DNAH11: variants seen among roughly 807,000 people sequenced by gnomAD.
The protein encoded by DNAH11 is dynein axonemal heavy chain 11.
A neutral mutation model predicts 526.0 loss-of-function variants in DNAH11; 442 were observed. The ratio of observed to expected loss-of-function variants is 0.84; its 90% CI spans 0.78 to 0.91. The LOEUF (loss-of-function observed/expected upper bound fraction) is 0.91. Among genes scored for constraint, DNAH11 ranks in the 40% least tolerant of loss-of-function variants. The pLI, the probability that DNAH11 is intolerant of heterozygous loss-of-function variation, is 0.00. For synonymous variants in DNAH11, 2,461 were observed against 1,935.9 expected, an observed-to-expected ratio of 1.27 and a Z score of -7.12; for missense variants, 6,989 against 5,448.7, an observed-to-expected ratio of 1.28 and a Z score of -8.90.
Position 21,894,952 on chromosome 7 carries a change from C to T in DNAH11, c.13002C>T (p.Asp4334=), listed in dbSNP as rs764580802. 2.5e-6 allele frequency: 4 copies of T among 1,614,032 alleles called. No homozygotes were observed. The highest frequency in any genetic ancestry group is 3.4e-6 in the Non-Finnish European group (4 of 1,179,902). ...QFALSYDTVP[D]TWSKLAYPST... Reference sequence around the variant, plus strand: ...CATTGAGTTATGACACGGTACCAGACACTTGGAGCAAACTGGCTTATCCTT... The same window carrying T: ...CATTGAGTTATGACACGGTACCAGATACTTGGAGCAAACTGGCTTATCCTT... Residue 4334 remains aspartate (D), a synonymous_variant, in exon 79 of 82, where the codon GAC becomes GAT. Transcript: ENST00000409508.
chr7:21,557,820 C>A (rs915018664), intron 2 of DNAH11, among the ~76,000 whole-genome samples: 1 of 152,176 alleles, frequency 6.6e-6, no homozygotes, highest in Non-Finnish European at 1.5e-5. Flanking sequence ...CTAATCATGG[C>A]AGTTCTTATC....
At chr7:21,748,240 T>C (rs1786239603) in intron 51 of DNAH11, among the ~76,000 whole-genome samples, 1 of 152,160 alleles carries the variant, frequency 6.6e-6, no homozygotes, top group Non-Finnish European at 1.5e-5. Flanking sequence ...TCCCAGCACT[T>C]TGGGAGGCCA....
intron 31 of DNAH11, among the ~76,000 whole-genome samples, chr7:21,682,722 T>TA (rs1247345807): frequency 1.3e-5 from 2 of 152,174 alleles, no homozygotes; most frequent in Admixed American, 6.5e-5. Context: ...CGAATGCCTG[T>TA]ACGTATTGTG....
At chr7:21,546,719 C>T (rs1782818266) in intron 2 of DNAH11, among the ~76,000 whole-genome samples, 1 of 152,170 alleles carries the variant, frequency 6.6e-6, no homozygotes, top group Non-Finnish European at 1.5e-5. Flanking sequence ...CGTTGGCCCA[C>T]ATTTCAAAAG....
At chr7:21,634,426 G>A (rs983176127) in intron 25 of DNAH11, among the ~76,000 whole-genome samples, 4 of 152,200 alleles carry the variant, frequency 2.6e-5, no homozygotes, top group African/African-American at 9.6e-5. Flanking sequence ...TAATGTCATA[G>A]AGAAGTCAAG....
rs151057641 is a variant in DNAH11 at position 21,651,051 on chromosome 7, T to C, written c.4945-4781T>C. Among the ~76,000 whole-genome samples the C allele has an allele frequency of 6.3e-3, 959 of 152,226 alleles. 5 individuals are homozygous for C. The highest frequency in any genetic ancestry group is 0.012 in the Non-Finnish European group (794 of 68,022). Reference sequence around the variant, plus strand: ...ATCATGGACTCACTTTATCTCATTCTAGAGAATATCATCCACAAAAGACCA... The same window carrying C: ...ATCATGGACTCACTTTATCTCATTCCAGAGAATATCATCCACAAAAGACCA... On this transcript the variant is annotated intron_variant, in intron 28 of 81. Transcript: ENST00000409508.
intron 30 of DNAH11, among the ~76,000 whole-genome samples, chr7:21,681,148 C>T (rs1783118317): frequency 2.6e-5 from 4 of 152,050 alleles, no homozygotes; most frequent in Admixed American, 2.6e-4. Flanking sequence ...GTTTTGTGGC[C>T]AGGCGTGGTG....
intron 48 of DNAH11, among the ~76,000 whole-genome samples, chr7:21,741,339 TC>T (rs1321750950): frequency 6.6e-6 from 1 of 152,234 alleles, no homozygotes; most frequent in Non-Finnish European, 1.5e-5. Flanking sequence ...AGCTTGTTTA[TC>T]CATTCATCTA....
intron 68 of DNAH11, among the ~76,000 whole-genome samples, chr7:21,856,155 A>T (rs1782839754): frequency 6.6e-6 from 1 of 152,164 alleles, no homozygotes; most frequent in South Asian, 2.1e-4. Flanking sequence ...TGAATCACGC[A>T]GAGTTTTGTA....
chr7:21,672,728 T>A (rs1423649337), intron 30 of DNAH11, among the ~76,000 whole-genome samples: 3 of 152,210 alleles, frequency 2.0e-5, no homozygotes. Flanking sequence ...TTTTTTTCTT[T>A]GTTGCCTTAT....
chr7:21,867,417 A>C lies in DNAH11; in HGVS notation c.11691-442A>C, dbSNP rs553299452. ...TTTCTGCTAAATCTGATGCTGCTGG[A>C]AAATAATCCTTGCTTAATTGAGCCT... On this transcript the variant is annotated intron_variant, in intron 71 of 81. Transcript: ENST00000409508. 4.6e-5 allele frequency among the ~76,000 whole-genome samples: 7 copies of C among 152,360 alleles called. No individual in the cohort carries two copies. In the South Asian group the frequency reaches 1.0e-3, roughly 23 times the overall value.
At position 21,659,034 on chromosome 7, in the gene DNAH11, A is replaced by T; in HGVS notation, c.5328+3A>T. 1 of 1,566,526 alleles carries T rather than the reference A, an allele frequency of 6.4e-7. No homozygotes were observed. Among genetic ancestry groups the T allele is most frequent in the Non-Finnish European group, 8.6e-7 (1 of 1,156,406 alleles). ...TGAAGGATTTCCATAAAAAACAGGTATTACATAGATTTGTGATTTTGAGAC... is the reference window on the plus strand; with the variant it reads ...TGAAGGATTTCCATAAAAAACAGGTTTTACATAGATTTGTGATTTTGAGAC... On this transcript the variant is annotated splice_donor_region_variant and intron_variant, in intron 30 of 81. Transcript: ENST00000409508.
intron 38 of DNAH11, among the ~76,000 whole-genome samples, chr7:21,704,996 A>C (rs183352870): frequency 7.0e-4 from 106 of 152,364 alleles, no homozygotes; most frequent in Non-Finnish European, 1.4e-3. Flanking sequence ...GAAGAATGAC[A>C]ACATGTATGA....
chr7:21,588,714 A>G lies in DNAH11; in HGVS notation c.1973+78A>G, dbSNP rs549636611. 224 of 1,520,324 alleles carry G rather than the reference A, an allele frequency of 1.5e-4. 1 individual carries two copies. In the South Asian group the frequency reaches 2.0e-3, roughly 14 times the overall value. 94.2% of individuals were successfully genotyped at this position (1,520,324 alleles called of 1,614,324 possible). On this transcript the variant is annotated intron_variant, in intron 11 of 81. Transcript: ENST00000409508. ...TTTTATATAAGAGAGTGAGCTGTTC[A>G]TATTAGCACTTAGGAAGCCATTGCC...
At chr7:21,721,109 T>A (rs1245163053) in intron 44 of DNAH11, among the ~76,000 whole-genome samples, 1 of 152,208 alleles carries the variant, frequency 6.6e-6, no homozygotes, top group African/African-American at 2.4e-5. Flanking sequence ...TTCTGGCTGC[T>A]CTGGGGCCTC....
At chr7:21,611,211 C>T (rs1487478298) in intron 20 of DNAH11, among the ~76,000 whole-genome samples, 1 of 152,126 alleles carries the variant, frequency 6.6e-6, no homozygotes, top group East Asian at 1.9e-4. Flanking sequence ...TACCTTTCTC[C>T]TGGTCTTGGA....
intron 42 of DNAH11, 71 bp downstream of exon 42, chr7:21,711,931 G>T: frequency 6.5e-7 from 1 of 1,529,158 alleles, no homozygotes; most frequent in South Asian, 1.2e-5. Context: ...CATAATTTTT[G>T]CTTAAGCACA....
At chr7:21,666,910 A>C (rs1782442139) in intron 30 of DNAH11, among the ~76,000 whole-genome samples, 1 of 152,066 alleles carries the variant, frequency 6.6e-6, no homozygotes, top group Non-Finnish European at 1.5e-5. Flanking sequence ...ATATGAAAAA[A>C]AACATAGTGT....
chr7:21,844,424 C>CAAACAA (rs757285453), intron 66 of DNAH11, among the ~76,000 whole-genome samples: 2 of 152,128 alleles, frequency 1.3e-5, no homozygotes, highest in Non-Finnish European at 2.9e-5. Context: ...GACTCTGTCT[C>CAAACAA]AAACAAAAAC....
Sources: gnomAD v4.1 joint callset for allele counts (sites outside exome capture counted in the v4.1 genomes callset) on GRCh38, gnomAD v4.1.1 for gene constraint, MANE v1.5 for transcripts, NCBI Gene and HGNC (gene_info 2026-07-23, HGNC 2026-07-21) for gene names.